Variants in VARS2 observed in about 807,000 individuals in gnomAD.
VARS2 encodes valyl-tRNA synthetase 2, mitochondrial.
A neutral mutation model predicts 154.1 loss-of-function variants in VARS2; 105 were observed. The ratio of observed to expected loss-of-function variants is 0.68; its 90% CI spans 0.58 to 0.80. The LOEUF is 0.80. Among genes scored for constraint, VARS2 ranks in the 30% least tolerant of loss-of-function variants. The pLI, the probability that VARS2 is intolerant of heterozygous loss-of-function variation, is 0.00. For missense variants in VARS2, 1,157 were observed against 1,361.4 expected, an observed-to-expected ratio of 0.85 and a Z score of 2.36; for synonymous variants, 483 against 539.5, an observed-to-expected ratio of 0.90 and a Z score of 1.45.
In VARS2 at chr6:30,916,495, TA is replaced by T; in HGVS notation, c.671+247del. 1 of 319,650 alleles carries T rather than the reference TA, an allele frequency of 3.1e-6. No individual in the cohort carries two copies. 19.8% of individuals were successfully genotyped at this position (319,650 alleles called of 1,614,324 possible). On this transcript the variant is annotated intron_variant, in intron 7 of 29. Coordinates refer to ENST00000676266, the MANE Select transcript of VARS2 (RefSeq NM_020442.6). This position sits in a 1 kb window ranked among gnomAD's most constrained non-coding sequence, Gnocchi z 4.0. ...GTGTGTGTATTTATATATATATATA[TA>T]TTTTCTTTCTCTTTACTTACCCCAA...
chr6:30,922,333 C>T (rs1257842438), intron 20 of VARS2, 92 bp downstream of exon 20: 10 of 1,594,020 alleles, frequency 6.3e-6, no homozygotes, highest in South Asian at 2.3e-5. Flanking sequence ...GTCCTTTCCA[C>T]GTTGCTGATT....
chr6:30,916,979 G>T lies in VARS2; in HGVS notation c.753+20G>T. Reference sequence around the variant, plus strand: ...GATGTTGTGAGTGTTCTGTGCCTTGGTCCCTGTGAGTGATGGGCGATGTTT... The same window carrying T: ...GATGTTGTGAGTGTTCTGTGCCTTGTTCCCTGTGAGTGATGGGCGATGTTT... On this transcript the variant is annotated intron_variant, in intron 8 of 29. Transcript: ENST00000676266. The surrounding 1 kb of genome is among the most constrained non-coding windows in gnomAD (Gnocchi z 4.0). 1 of 1,614,094 alleles carries T rather than the reference G, an allele frequency of 6.2e-7. No homozygotes were observed. The highest frequency in any genetic ancestry group is 2.2e-5 in the East Asian group (1 of 44,878).
At position 30,916,108 on chromosome 6, in the gene VARS2, CCAA is replaced by C; in HGVS notation, c.574-43_574-41del. ...AAAGCAATTTCTTCCCCCAAAGCAA[CCAA>C]GCAACCTGACTCTGTTCATTTGCCC... On this transcript the variant is annotated intron_variant, in intron 6 of 29. Coordinates refer to ENST00000676266, the MANE Select transcript of VARS2 (RefSeq NM_020442.6). The surrounding 1 kb of genome is among the most constrained non-coding windows in gnomAD (Gnocchi z 4.0). The C allele has an allele frequency of 1.1e-5, 1 of 88,828 alleles. No homozygotes were observed. Among genetic ancestry groups the C allele is most frequent in the Non-Finnish European group, 1.5e-5 (1 of 67,334 alleles). 5.5% of individuals were successfully genotyped at this position (88,828 alleles called of 1,614,324 possible).
chr6:30,915,266 C>G, intron 3 of VARS2, 29 bp downstream of exon 3: 2 of 1,613,076 alleles, frequency 1.2e-6, no homozygotes, highest in Non-Finnish European at 1.7e-6. Context: ...AAGGCCTTTT[C>G]TTTCACATAT....
In VARS2 at chr6:30,920,651, C is replaced by A. The variant is rs1223303657; in HGVS notation, c.1398-17C>A. On this transcript the variant is annotated splice_polypyrimidine_tract_variant and intron_variant, in intron 14 of 29. Coordinates refer to ENST00000676266, the MANE Select transcript of VARS2 (RefSeq NM_020442.6). The surrounding 1 kb of genome is among the most constrained non-coding windows in gnomAD (Gnocchi z 4.6). The stretch of plus-strand genomic sequence containing the variant: ...CAGGGCCGGAAGAGCAGTGGACTCA[C>A]CCTGTCTCTCTTTCAGCCGTTCTGG... 6.4e-7 allele frequency: 1 copy of A among 1,552,512 alleles called. No homozygotes were observed. Among genetic ancestry groups the A allele is most frequent in the Non-Finnish European group, 8.7e-7 (1 of 1,147,010 alleles).
chr6:30,917,759 C>G lies in VARS2; in HGVS notation c.938C>G (p.Ser313Cys). ...CTGCCTGGCTGCCCCACCCCCGTGTCTTTTGGCCTCCTATTTTCTGTTGCC... is the reference window on the plus strand; with the variant it reads ...CTGCCTGGCTGCCCCACCCCCGTGTGTTTTGGCCTCCTATTTTCTGTTGCC... ...LRLPGCPTPV[S>C]FGLLFSVAFP... Residue 313 changes from serine (S) to cysteine (C), a missense_variant, in exon 10 of 30, where the codon TCT (serine) becomes TGT (cysteine). By Grantham distance (112) the Ser-to-Cys change is moderately radical. Transcript: ENST00000676266. The surrounding 1 kb of genome is among the most constrained non-coding windows in gnomAD (Gnocchi z 4.4). 1 of 1,565,968 alleles carries G rather than the reference C, an allele frequency of 6.4e-7. No homozygotes were observed. Among genetic ancestry groups the G allele is most frequent in the Non-Finnish European group, 8.7e-7 (1 of 1,154,730 alleles).
Position 30,920,445 on chromosome 6 carries a change from A to C in VARS2, c.1397+9A>C. ...GTACTGCCCATCTGCAGGTAACCTC[A>C]TTTTAACTCCTTTACTAAGGGCTAC... On this transcript the variant is annotated intron_variant, in intron 14 of 29. Coordinates refer to ENST00000676266, the MANE Select transcript of VARS2 (RefSeq NM_020442.6). This position sits in a 1 kb window ranked among gnomAD's most constrained non-coding sequence, Gnocchi z 4.6. 1 of 1,597,058 alleles carries C rather than the reference A, an allele frequency of 6.3e-7. No individual in the cohort carries two copies. The highest frequency in any genetic ancestry group is 8.5e-7 in the Non-Finnish European group (1 of 1,173,788).
In VARS2 at chr6:30,916,151, G is replaced by A; in HGVS notation, c.574-1G>A. On this transcript the variant is annotated splice_acceptor_variant, in intron 6 of 29. Transcript: ENST00000676266. LOFTEE classifies it high-confidence loss of function. This position sits in a 1 kb window ranked among gnomAD's most constrained non-coding sequence, Gnocchi z 4.0. ...TTCATTTGCCCTGAATCCAACTGCA[G>A]GCTGTGGTGGAGAAACAACTGTGGA... 6.2e-7 allele frequency: 1 copy of A among 1,613,842 alleles called. No individual in the cohort carries two copies. Among genetic ancestry groups the A allele is most frequent in the Non-Finnish European group, 8.5e-7 (1 of 1,179,776 alleles).
chr6:30,920,962 T>G lies in VARS2; in HGVS notation c.1480-103T>G. On this transcript the variant is annotated intron_variant, in intron 15 of 29. Transcript: ENST00000676266. This position sits in a 1 kb window ranked among gnomAD's most constrained non-coding sequence, Gnocchi z 4.6. ...GAATCTTGGCAAGAGGCTTGGGAGG[T>G]CCTTTCTGAGTTTTAAAATGACCTC... The G allele has an allele frequency of 7.6e-7, 1 of 1,320,044 alleles. No homozygotes were observed. 81.8% of individuals were successfully genotyped at this position (1,320,044 alleles called of 1,614,324 possible).
In VARS2 at chr6:30,922,491, G is replaced by A. The variant is rs781655715; in HGVS notation, c.1974G>A (p.Lys658=). ...HPMVRDRQGR[K]MSKSLGNVLD... is the part of the protein sequence containing the mutation. ...TGGTTCGGGACAGGCAGGGCCGGAA[G>A]ATGAGCAAGTCCCTGGGGAATGTGC... Residue 658 remains lysine (K), a synonymous_variant, in exon 21 of 30, where the codon AAG becomes AAA. Transcript: ENST00000676266. The A allele has an allele frequency of 1.8e-5, 29 of 1,598,420 alleles. No homozygotes were observed. Among genetic ancestry groups the A allele is most frequent in the Non-Finnish European group, 2.3e-5 (27 of 1,173,172 alleles).
intron 25 of VARS2, 36 bp downstream of exon 25, chr6:30,923,541 C>T: frequency 6.3e-7 from 1 of 1,589,500 alleles, no homozygotes; most frequent in Non-Finnish European, 8.6e-7. Context: ...TATTCCCATG[C>T]CTGCTTCTAA....
chr6:30,921,461 C>G lies in VARS2; in HGVS notation c.1633-128C>G. 7.1e-7 allele frequency: 1 copy of G among 1,409,836 alleles called. No individual in the cohort carries two copies. Among genetic ancestry groups the G allele is most frequent in the Non-Finnish European group, 9.8e-7 (1 of 1,019,366 alleles). The allele number at this position is 1,409,836 out of a possible 1,614,324, so 87.3% of individuals were successfully genotyped here. A position where few individuals can be genotyped will look rare whatever the true frequency, so the allele number is the denominator to read the frequency against. ...GCGCGATCAAGGCTCCCTGAAGTGGCATTTCTTTATCTCACCCCTGGGGGA... is the reference window on the plus strand; with the variant it reads ...GCGCGATCAAGGCTCCCTGAAGTGGGATTTCTTTATCTCACCCCTGGGGGA... On this transcript the variant is annotated intron_variant, in intron 17 of 29. Transcript: ENST00000676266. The surrounding 1 kb of genome is among the most constrained non-coding windows in gnomAD (Gnocchi z 4.6).
At chr6:30,915,109 A>C (rs1191050621) in intron 2 of VARS2, 47 bp from the exon 3 acceptor site, 2 of 1,611,238 alleles carry the variant, frequency 1.2e-6, no homozygotes, top group Non-Finnish European at 8.5e-7. Context: ...GCTGAAATGC[A>C]GTCTGGGGTA....
intron 25 of VARS2, 87 bp from the exon 26 acceptor site, chr6:30,924,267 G>A (rs1794705656): frequency 2.1e-6 from 3 of 1,422,100 alleles, no homozygotes; most frequent in Admixed American, 3.4e-5. Flanking sequence ...CAGGACCCAT[G>A]GCCTGCCCCA....
Position 30,926,199 on chromosome 6 carries a change from C to T in VARS2, c.3181C>T (p.Pro1061Ser). ...GGATGAGCCTCCAGCCCCAGGGAGC[C>T]CGGAGCTCTAACTCATCATCCCCAT... ...LMDEPPAPGS[P>S]EL Residue 1061 changes from proline (P) to serine (S), a missense_variant, in exon 30 of 30, where the codon CCG becomes TCG. Coordinates refer to ENST00000676266, the MANE Select transcript of VARS2 (RefSeq NM_020442.6). The T allele has an allele frequency of 1.9e-6, 3 of 1,613,098 alleles. No homozygotes were observed. Among genetic ancestry groups the T allele is most frequent in the Non-Finnish European group, 2.5e-6 (3 of 1,180,026 alleles).
Position 30,926,397 on chromosome 6 carries a change from G to T in VARS2, c.*187G>T. ...CCTTGAGATGCTCACATTACTGCCC[G>T]GCCTGCCTCCCACCTGGAAGTCTGG... On this transcript the variant is annotated 3_prime_UTR_variant, in exon 30 of 30. Coordinates refer to ENST00000676266, the MANE Select transcript of VARS2 (RefSeq NM_020442.6). 1 of 628,582 alleles carries T rather than the reference G, an allele frequency of 1.6e-6. No individual in the cohort carries two copies. The highest frequency in any genetic ancestry group is 2.9e-5 in the Admixed American group (1 of 34,326). 38.9% of individuals were successfully genotyped at this position (628,582 alleles called of 1,614,324 possible). A position where few individuals can be genotyped will look rare whatever the true frequency, so the allele number is the denominator to read the frequency against.
intron 22 of VARS2, 24 bp downstream of exon 22, chr6:30,922,798 C>T (rs773946996): frequency 4.9e-5 from 78 of 1,596,354 alleles, no homozygotes; most frequent in Non-Finnish European, 6.3e-5. Context: ...GCCTGCCCCC[C>T]ACCAGCTCTA....
rs373934544 is a variant in VARS2, at chr6:30,915,957, C to A, written c.507-24C>A. 3.1e-6 allele frequency: 5 copies of A among 1,613,946 alleles called. No homozygotes were observed. In the African/African-American group the frequency reaches 5.3e-5, roughly 17 times the overall value. On this transcript the variant is annotated intron_variant, in intron 5 of 29. Coordinates refer to ENST00000676266, the MANE Select transcript of VARS2 (RefSeq NM_020442.6). ...GGATAAACATTTAAGCTCAGGGGCT[C>A]ACAGGAGGGCATTTTTGTTGCAGGC...
At position 30,916,773 on chromosome 6, in the gene VARS2, C is replaced by CA; in HGVS notation, c.672-104dup. ...CTAGAGGCTAGATCAATGCCATCCT[C>CA]ACTTGATTTTCCTCCAACACCTGGC... is the stretch of plus-strand genomic sequence containing the variant. On this transcript the variant is annotated intron_variant, in intron 7 of 29. Coordinates refer to ENST00000676266, the MANE Select transcript of VARS2 (RefSeq NM_020442.6). The surrounding 1 kb of genome is among the most constrained non-coding windows in gnomAD (Gnocchi z 4.0). The CA allele has an allele frequency of 9.0e-7, 1 of 1,112,600 alleles. No individual in the cohort carries two copies. Among genetic ancestry groups the CA allele is most frequent in the Non-Finnish European group, 1.4e-6 (1 of 730,422 alleles). The allele number at this position is 1,112,600 out of a possible 1,614,324, so 68.9% of individuals were successfully genotyped here.
Sources: allele counts gnomAD v4.1 joint callset, GRCh38; gene constraint gnomAD v4.1.1; non-coding constraint Gnocchi (gnomAD v3.1); transcripts MANE v1.5; gene names NCBI Gene and HGNC (gene_info 2026-07-23, HGNC 2026-07-21).